ZNF91: variants seen among roughly 807,000 people sequenced by gnomAD.
ZNF91 encodes the protein zinc finger protein 91 (HPF7, HTF10).
A neutral mutation model predicts 12.6 loss-of-function variants in ZNF91; 7 were observed. The observed-to-expected ratio is 0.55, with a 90% confidence interval of 0.31 to 1.04. ZNF91 has a LOEUF of 1.04. Among genes scored for constraint, ZNF91 ranks in the 50% least tolerant of loss-of-function variants. ZNF91 has a pLI of 0.05. For missense variants in ZNF91, 1,217 were observed against 1,385.4 expected (o/e 0.88, Z 1.93); for synonymous variants, 453 against 462.6 (o/e 0.98, Z 0.27).
At chr19:23,355,762 A>G (rs1968469914), downstream of ZNF91, among the ~76,000 whole-genome samples, 1 of 152,136 alleles carries the variant, frequency 6.6e-6, no homozygotes, top group African/African-American at 2.4e-5. Context: ...CTCCGACAAA[A>G]GATTAATATC....
At chr19:23,378,320 G>A (rs1374111252) in intron 1 of ZNF91, among the ~76,000 whole-genome samples, 1 of 152,126 alleles carries the variant, frequency 6.6e-6, no homozygotes, top group African/African-American at 2.4e-5. Flanking sequence ...CCAGGGTAGG[G>A]CAAGACTTAA....
Position 23,359,437 on chromosome 19 carries a change from A to T in ZNF91, c.3542T>A (p.Ile1181Asn). 1 of 1,372,312 alleles carries T rather than the reference A, an allele frequency of 7.3e-7. No individual in the cohort carries two copies. Among genetic ancestry groups the T allele is most frequent in the Non-Finnish European group, 1.0e-6 (1 of 967,912 alleles). The allele number at this position is 1,372,312 out of a possible 1,614,324, so 85.0% of individuals were successfully genotyped here. ...AAGGGGTTTCACTGTGTTAGCCAGG[A>T]TGGTCTCCATCTCCTGACCTCGTGA... ...GGSRGQEMETILANTVKPLLY is the reference protein window; with the variant it reads ...GGSRGQEMETNLANTVKPLLY Residue 1181 changes from isoleucine (I) to asparagine (N), a missense_variant, in exon 4 of 4, where the codon ATC (isoleucine) becomes AAC (asparagine). Coordinates refer to ENST00000300619, the MANE Select transcript of ZNF91 (RefSeq NM_003430.4).
intron 1 of ZNF91, among the ~76,000 whole-genome samples, chr19:23,321,969 T>A (rs1487126577): frequency 2.6e-5 from 4 of 152,216 alleles, no homozygotes; most frequent in African/African-American, 9.6e-5. Flanking sequence ...ATTTGATGTG[T>A]ATCTCTTCTC....
downstream of ZNF91, among the ~76,000 whole-genome samples, chr19:23,334,341 G>C (rs1356747423): frequency 6.6e-6 from 1 of 152,056 alleles, no homozygotes; most frequent in Non-Finnish European, 1.5e-5. Context: ...CAAATGTTTT[G>C]GAGCAGGGCT....
chr19:23,309,414 T>C (rs545563669), intron 1 of ZNF91, among the ~76,000 whole-genome samples: 9 of 152,262 alleles, frequency 5.9e-5, no homozygotes, highest in African/African-American at 2.2e-4. Flanking sequence ...TACCCAAAGG[T>C]AACAGTGTGA....
intron 1 of ZNF91, among the ~76,000 whole-genome samples, chr19:23,309,534 T>G (rs1055729138): frequency 6.6e-6 from 1 of 152,140 alleles, no homozygotes; most frequent in Non-Finnish European, 1.5e-5. Flanking sequence ...TGTGTCTCTT[T>G]TTTCTGGTCC....
chr19:23,372,964 C>T (rs1969344960), intron 3 of ZNF91, among the ~76,000 whole-genome samples: 1 of 152,196 alleles, frequency 6.6e-6, no homozygotes, highest in Non-Finnish European at 1.5e-5. Context: ...AGGATATTCA[C>T]TCTGTCCAAA....
chr19:23,362,810 T>C, intron 3 of ZNF91, 85 bp from the exon 4 acceptor site: 1 of 1,299,996 alleles, frequency 7.7e-7, no homozygotes, highest in Non-Finnish European at 9.8e-7. Context: ...CCTACAAAAT[T>C]ATACAAACTA....
intron 3 of ZNF91, among the ~76,000 whole-genome samples, chr19:23,370,110 TTTAAA>T (rs1330274921): frequency 3.9e-5 from 6 of 152,132 alleles, no homozygotes; most frequent in Non-Finnish European, 7.4e-5. Flanking sequence ...ATAAATGTAC[TTTAAA>T]TAAAATTATT....
In ZNF91 at chr19:23,373,785, C is replaced by T; in HGVS notation, c.210G>A (p.Glu70=). 1.2e-6 allele frequency: 2 copies of T among 1,611,684 alleles called. No individual in the cohort carries two copies. The highest frequency in any genetic ancestry group is 2.2e-5 in the East Asian group (1 of 44,704). The change falls in exon 3 of 4, where the codon GAG becomes GAA. Residue 70 remains glutamate, a synonymous_variant. Transcript: ENST00000300619. ...TCTCATGTTGCTTCATATTCCAGGG[C>T]TCTTTTCCTTGCTCCAGATAAGTAA... The part of the protein sequence containing the change: ...DLITYLEQGK[E]PWNMKQHEMV...
chr19:23,376,928 G>T (rs1461865012), intron 1 of ZNF91, among the ~76,000 whole-genome samples: 2 of 151,940 alleles, frequency 1.3e-5, no homozygotes, highest in Non-Finnish European at 2.9e-5. Context: ...TTGAGAATTT[G>T]CCTTTAATAA....
At chr19:23,351,252 A>G (rs1968357364) in intron 3 of ZNF91, among the ~76,000 whole-genome samples, 1 of 151,888 alleles carries the variant, frequency 6.6e-6, no homozygotes, top group South Asian at 2.1e-4. Context: ...TGAACCCTAG[A>G]GGAAGAGGTT....
chr19:23,342,538 T>C (rs1387992601), intron 3 of ZNF91, among the ~76,000 whole-genome samples: 1 of 152,204 alleles, frequency 6.6e-6, no homozygotes, highest in Non-Finnish European at 1.5e-5. Context: ...TCTAGAATTA[T>C]CATTAATCTA....
intron 3 of ZNF91, among the ~76,000 whole-genome samples, chr19:23,348,312 C>A (rs1207387235): frequency 1.3e-5 from 2 of 152,134 alleles, no homozygotes; most frequent in African/African-American, 4.8e-5. Context: ...AACGGAGGGA[C>A]CAGCTGAAGC....
intron 1 of ZNF91, among the ~76,000 whole-genome samples, chr19:23,320,078 A>T (rs1489556258): frequency 6.6e-6 from 1 of 152,184 alleles, no homozygotes; most frequent in Admixed American, 6.5e-5. Context: ...TAAAATAGTC[A>T]TCCTCACACA....
chr19:23,367,342 A>G (rs1229999596), intron 3 of ZNF91, among the ~76,000 whole-genome samples: 1 of 149,750 alleles, frequency 6.7e-6, no homozygotes, highest in African/African-American at 2.5e-5. Flanking sequence ...TAAGAATATC[A>G]ATATTATCCA....
intron 1 of ZNF91, among the ~76,000 whole-genome samples, chr19:23,309,294 T>A (rs1431457579): frequency 1.3e-5 from 2 of 152,096 alleles, no homozygotes; most frequent in East Asian, 3.9e-4. Context: ...TTTGCACCCA[T>A]CACCTAATAG....
chr19:23,371,366 A>G lies in ZNF91; in HGVS notation c.253+2376T>C, dbSNP rs556953666. On this transcript the variant is annotated intron_variant, in intron 3 of 3. Transcript: ENST00000300619. Reference sequence around the variant, plus strand: ...ATCTCAAAAACAAAAAAGAAAAAAAAATGAGATAAGAAAGAATATATACAA... The same window carrying G: ...ATCTCAAAAACAAAAAAGAAAAAAAGATGAGATAAGAAAGAATATATACAA... 4.6e-5 allele frequency among the ~76,000 whole-genome samples: 7 copies of G among 152,268 alleles called. No individual in the cohort carries two copies. In the East Asian group the frequency reaches 1.4e-3, roughly 29 times the overall value.
intron 2 of ZNF91, chr19:23,307,719 T>C (rs1599676583): frequency 6.6e-6 from 1 of 152,264 alleles, no homozygotes; most frequent in Non-Finnish European, 1.5e-5. Flanking sequence ...CTGTGAGATA[T>C]CTCTGGGCCC....
Sources: allele counts gnomAD v4.1 joint callset (sites outside exome capture counted in the v4.1 genomes callset), GRCh38; gene constraint gnomAD v4.1.1; transcripts MANE v1.5; gene names NCBI Gene and HGNC (gene_info 2026-07-23, HGNC 2026-07-21).